The following IL16 variants were observed in gnomAD, a reference collection of about 807,000 sequenced individuals.
IL16 encodes the protein pro-interleukin-16.
Under a neutral mutation model 110.1 loss-of-function variants are expected in IL16, and 67 were observed. The ratio of observed to expected loss-of-function variants is 0.61; its 90% CI spans 0.50 to 0.75. The LOEUF (loss-of-function observed/expected upper bound fraction) is 0.75, where lower values mean the gene tolerates loss of function less well. Among genes scored for constraint, IL16 ranks in the 30% least tolerant of loss-of-function variants. The probability of loss-of-function intolerance (pLI) is 0.00; values close to 1 mark genes in which losing one functional copy is unlikely to be tolerated. For synonymous variants in IL16, 689 were observed against 662.9 expected (o/e 1.04, Z -0.61); for missense variants, 1,545 against 1,655.0 (o/e 0.93, Z 1.15).
rs1900774038 is a variant in IL16 at position 81,310,049 on chromosome 15, C to CTGAT, written c.*1254_*1257dup. 6.6e-6 allele frequency: 1 copy of CTGAT among 152,234 alleles called. No individual in the cohort carries two copies. The highest frequency in any genetic ancestry group is 2.1e-4 in the South Asian group (1 of 4,836). 9.4% of individuals were successfully genotyped at this position (152,234 alleles called of 1,614,324 possible). ...ATTTGGTTTGGCCATCTCTGGATGC[C>CTGAT]TGATTGCCAAGCTCAGGACCAGGCA... On this transcript the variant is annotated 3_prime_UTR_variant, in exon 19 of 19. Coordinates refer to ENST00000683961, the MANE Select transcript of IL16 (RefSeq NM_172217.5).
At chr15:81,306,229 G>T in intron 17 of IL16, 63 bp downstream of exon 17, 1 of 1,570,192 alleles carries the variant, frequency 6.4e-7, no homozygotes, top group South Asian at 1.2e-5. Context: ...TTTGGGGCCA[G>T]ACCTGATGGG....
upstream of IL16, among the ~76,000 whole-genome samples, chr15:81,194,243 T>C (rs1328044346): frequency 2.6e-5 from 4 of 152,206 alleles, no homozygotes; most frequent in African/African-American, 9.6e-5. Flanking sequence ...GTACAGAAGC[T>C]GGGGCTTATT....
At chr15:81,241,368 A>G (rs895107476) in intron 2 of IL16, among the ~76,000 whole-genome samples, 2 of 152,028 alleles carry the variant, frequency 1.3e-5, no homozygotes, top group Non-Finnish European at 2.9e-5. Context: ...AAATTTGTAG[A>G]TAAATTTGGG....
chr15:81,265,322 G>A (rs1898326366), intron 3 of IL16, among the ~76,000 whole-genome samples: 1 of 152,140 alleles, frequency 6.6e-6, no homozygotes, highest in South Asian at 2.1e-4. Context: ...TGAAAACACC[G>A]GGGCCTGGAT....
At position 81,299,688 on chromosome 15, in the gene IL16, A is replaced by G. The variant is rs1278570367; in HGVS notation, c.2362A>G (p.Lys788Glu). The G allele has an allele frequency of 1.9e-6, 3 of 1,614,202 alleles. No individual in the cohort carries two copies. In the Admixed American group the frequency reaches 5.0e-5, roughly 27 times the overall value. The change falls in exon 14 of 19, where the codon AAG (lysine) becomes GAG (glutamate). Residue 788 changes from lysine to glutamate, a missense_variant. By Grantham distance (56) the Lys-to-Glu change is moderately conservative. Around this residue, in one of 3 missense-constraint regions of IL16, gnomAD observed 1,185 missense variants for 1,238.8 expected, o/e 0.96. Transcript: ENST00000683961. ...GAAGAAAGGTCCTCCTGTGGCTCCC[A>G]AGCCAGCCTGGTTTCGCCAAAGCTT... ...TVKKGPPVAP[K>E]PAWFRQSLKG...
At chr15:81,232,054 T>TTTTTTTTTTTTTG (rs1567009305) in intron 2 of IL16, among the ~76,000 whole-genome samples, 3 of 133,568 alleles carry the variant, frequency 2.2e-5, no homozygotes, top group Admixed American at 7.7e-5. Context: ...TTTTTTTTTT[T>TTTTTTTTTTTTTG]TTTTTTTTTT....
At chr15:81,196,418 A>G (rs538889539), upstream of IL16, among the ~76,000 whole-genome samples, 6 of 152,184 alleles carry the variant, frequency 3.9e-5, no homozygotes, top group Admixed American at 1.3e-4. Flanking sequence ...TTAAATTTTT[A>G]TATAATTTGA....
At chr15:81,236,404 C>T (rs1385920495) in intron 2 of IL16, among the ~76,000 whole-genome samples, 1 of 152,058 alleles carries the variant, frequency 6.6e-6, no homozygotes, top group Admixed American at 6.6e-5. Flanking sequence ...CCAGCTGTAT[C>T]CCCTGAGTGT....
At chr15:81,304,324 C>T (rs2063265967) in intron 16 of IL16, among the ~76,000 whole-genome samples, 1 of 152,204 alleles carries the variant, frequency 6.6e-6, no homozygotes, top group African/African-American at 2.4e-5. Context: ...TTACTTTCTA[C>T]TTGAAGAGGA....
chr15:81,194,990 T>C (rs1391146712), upstream of IL16, among the ~76,000 whole-genome samples: 1 of 152,094 alleles, frequency 6.6e-6, no homozygotes. Flanking sequence ...TGCAGTGAGC[T>C]GGACTATGGA....
Position 81,265,810 on chromosome 15 carries a change from G to C in IL16, c.564+9G>C, listed in dbSNP as rs1185444784. On this transcript the variant is annotated intron_variant, in intron 4 of 18. Transcript: ENST00000683961. The stretch of plus-strand genomic sequence containing the variant: ...CAGCAGGAAAGGCTGCGGTAAGAAT[G>C]GAAGGAGGGAAACTCAGAGAAGAGT... 1 of 1,607,496 alleles carries C rather than the reference G, an allele frequency of 6.2e-7. No homozygotes were observed. Among genetic ancestry groups the C allele is most frequent in the Admixed American group, 1.7e-5 (1 of 59,170 alleles).
At chr15:81,290,625 A>C in intron 11 of IL16, 85 bp downstream of exon 11, 1 of 866,174 alleles carries the variant, frequency 1.2e-6, no homozygotes, top group South Asian at 1.7e-5. Flanking sequence ...TCCTCTATCC[A>C]AGGAATAGTA....
chr15:81,193,354 A>G (rs1895528086), upstream of IL16, among the ~76,000 whole-genome samples: 1 of 152,080 alleles, frequency 6.6e-6, no homozygotes, highest in Non-Finnish European at 1.5e-5. Flanking sequence ...AATTTAAGTT[A>G]AACCCCAGCT....
At chr15:81,254,185 C>T (rs1897867001) in intron 2 of IL16, among the ~76,000 whole-genome samples, 1 of 152,216 alleles carries the variant, frequency 6.6e-6, no homozygotes, top group Non-Finnish European at 1.5e-5. Context: ...GGAATGCAGT[C>T]AGCCAACTCC....
At chr15:81,281,818 G>A (rs1211340168) in intron 8 of IL16, among the ~76,000 whole-genome samples, 1 of 152,108 alleles carries the variant, frequency 6.6e-6, no homozygotes, top group African/African-American at 2.4e-5. Flanking sequence ...ATCTTCCATG[G>A]GCATCCGTTT....
At chr15:81,192,110 TA>T (rs1434264474), upstream of IL16, among the ~76,000 whole-genome samples, 1 of 152,206 alleles carries the variant, frequency 6.6e-6, no homozygotes, top group Non-Finnish European at 1.5e-5. Context: ...AACCATCACG[TA>T]AGCCATGAAC....
At chr15:81,194,960 CCTCCCCGTCTCTT>C (rs1312400602), upstream of IL16, among the ~76,000 whole-genome samples, 1 of 152,122 alleles carries the variant, frequency 6.6e-6, no homozygotes, top group East Asian at 1.9e-4. Context: ...CCTGCGTCTT[CCTCCCCGTCTCTT>C]CTGGCTTGCA....
intron 2 of IL16, among the ~76,000 whole-genome samples, chr15:81,254,933 G>A (rs959280054): frequency 3.3e-5 from 5 of 152,310 alleles, no homozygotes; most frequent in African/African-American, 9.6e-5. Flanking sequence ...TAAAAGTAAA[G>A]AGCTGAAAGT....
chr15:81,243,195 A>T (rs1182610622), intron 2 of IL16, among the ~76,000 whole-genome samples: 30 of 7,616 alleles, frequency 3.9e-3, no homozygotes, highest in African/African-American at 6.0e-3. Flanking sequence ...TTTTTTTTTG[A>T]GGCAAGGTCT....
Sources: gnomAD v4.1 joint callset for allele counts (sites outside exome capture counted in the v4.1 genomes callset) on GRCh38, gnomAD v4.1.1 for gene constraint, gnomAD v4.1.1 regional missense constraint, MANE v1.5 for transcripts, NCBI Gene and HGNC (gene_info 2026-07-23, HGNC 2026-07-21) for gene names.